The following P2RX3 variants were observed in gnomAD, a reference collection of about 807,000 sequenced individuals.
The protein encoded by P2RX3 is P2X purinoceptor 3.
A neutral mutation model predicts 51.5 loss-of-function variants in P2RX3; 41 were observed. That is an observed-to-expected ratio of 0.80 (90% CI 0.62 to 1.03). P2RX3 has a LOEUF of 1.03. Among genes scored for constraint, P2RX3 ranks in the 50% least tolerant of loss-of-function variants. The pLI is 0.00. For synonymous variants in P2RX3, 185 were observed against 191.6 expected, an observed-to-expected ratio of 0.97 and a Z score of 0.29; for missense variants, 459 against 522.1, an observed-to-expected ratio of 0.88 and a Z score of 1.18.
intron 8 of P2RX3, among the ~76,000 whole-genome samples, chr11:57,351,446 T>G (rs1322339185): frequency 6.6e-6 from 1 of 152,252 alleles, no homozygotes; most frequent in Non-Finnish European, 1.5e-5. Context: ...TCTTTAAATA[T>G]CATCCCAATG....
rs149413487 is a variant in P2RX3 at position 57,353,742 on chromosome 11, G to A, written c.842+2844G>A. Among the ~76,000 whole-genome samples, 140 of 152,116 alleles carry A rather than the reference G, an allele frequency of 9.2e-4. 1 individual carries two copies. The highest frequency in any genetic ancestry group is 3.3e-3 in the African/African-American group (137 of 41,500). ...AATGGAATTATTCAGCCAAGATTCGGCCGTGTTTGAATCTGCTAACTAAGA... is the reference window on the plus strand; with the variant it reads ...AATGGAATTATTCAGCCAAGATTCGACCGTGTTTGAATCTGCTAACTAAGA... On this transcript the variant is annotated intron_variant, in intron 8 of 11. Transcript: ENST00000263314.
At chr11:57,368,266 G>T in intron 9 of P2RX3, 106 bp from the exon 10 acceptor site, 5 of 1,367,008 alleles carry the variant, frequency 3.7e-6, no homozygotes, top group Admixed American at 1.7e-5. Flanking sequence ...TGAAGGGGAG[G>T]GATCTGCTGA....
intron 3 of P2RX3, 88 bp downstream of exon 3, chr11:57,347,275 GGCCCCAAGTCTGACCTT>G (rs1856454748): frequency 6.6e-7 from 1 of 1,511,272 alleles, no homozygotes; most frequent in Non-Finnish European, 9.1e-7. Context: ...TATGAGCAGA[GGCCCCAAGTCTGACCTT>G]GCAACTGGGA....
intron 8 of P2RX3, among the ~76,000 whole-genome samples, chr11:57,357,155 A>T (rs552422779): frequency 1.3e-5 from 2 of 152,136 alleles, no homozygotes; most frequent in South Asian, 2.1e-4. Context: ...TGTCTCTATT[A>T]AAAATTTTTT....
chr11:57,338,896 G>T (rs1856286723), intron 1 of P2RX3, among the ~76,000 whole-genome samples: 1 of 152,268 alleles, frequency 6.6e-6, no homozygotes, highest in South Asian at 2.1e-4. Flanking sequence ...GGTTGAGATT[G>T]GTTTCAAGAC....
At chr11:57,343,338 T>C (rs1856376363) in intron 1 of P2RX3, among the ~76,000 whole-genome samples, 1 of 152,314 alleles carries the variant, frequency 6.6e-6, no homozygotes, top group Non-Finnish European at 1.5e-5. Context: ...AGCCAGGAGA[T>C]GCTTTCACTG....
intron 10 of P2RX3, 124 bp downstream of exon 10, chr11:57,368,561 A>G: frequency 9.5e-7 from 1 of 1,053,206 alleles, no homozygotes; most frequent in Non-Finnish European, 1.4e-6. Flanking sequence ...CCCTACCCCC[A>G]CTTGCTAGGT....
chr11:57,367,364 C>T (rs1173452506), intron 8 of P2RX3, among the ~76,000 whole-genome samples: 1 of 152,196 alleles, frequency 6.6e-6, no homozygotes, highest in African/African-American at 2.4e-5. Flanking sequence ...ACTGAAGAAG[C>T]TTGGAGTCTA....
chr11:57,366,398 ATCATTT>A (rs1234660031), intron 8 of P2RX3, among the ~76,000 whole-genome samples: 6 of 152,282 alleles, frequency 3.9e-5, no homozygotes, highest in East Asian at 3.9e-4. Context: ...ATGAAATGGG[ATCATTT>A]TCCTGAGTCC....
rs553883777 is a variant in P2RX3, at chr11:57,348,079, G to C, written c.392-91G>C. 3.5e-6 allele frequency: 4 copies of C among 1,155,646 alleles called. No homozygotes were observed. In the African/African-American group the frequency reaches 6.3e-5, roughly 18 times the overall value. The allele number at this position is 1,155,646 out of a possible 1,614,324, so 71.6% of individuals were successfully genotyped here. On this transcript the variant is annotated intron_variant, in intron 4 of 11. Coordinates refer to ENST00000263314, the MANE Select transcript of P2RX3 (RefSeq NM_002559.5). ...CCTGCTCTTTTCCCCCACTTGCCAGGGTCCCTGATGGGGGGAAGGGAAGAG... is the reference window on the plus strand; with the variant it reads ...CCTGCTCTTTTCCCCCACTTGCCAGCGTCCCTGATGGGGGGAAGGGAAGAG...
chr11:57,369,783 A>T, intron 11 of P2RX3, 101 bp from the exon 12 acceptor site: 2 of 822,592 alleles, frequency 2.4e-6, no homozygotes, highest in East Asian at 2.7e-5. Flanking sequence ...TCCCCTCATG[A>T]CTAGGTCATG....
chr11:57,350,703 G>A, intron 7 of P2RX3, 59 bp from the exon 8 acceptor site: 1 of 1,592,310 alleles, frequency 6.3e-7, no homozygotes, highest in Non-Finnish European at 8.6e-7. Context: ...CCCCCACCCT[G>A]GCCCAGAGCA....
chr11:57,343,490 G>C (rs932102703), intron 1 of P2RX3, among the ~76,000 whole-genome samples: 3 of 152,204 alleles, frequency 2.0e-5, no homozygotes, highest in Admixed American at 2.0e-4. Flanking sequence ...GGTTAGAGCT[G>C]ACATACCAGC....
At chr11:57,360,641 A>G (rs1278420561) in intron 8 of P2RX3, among the ~76,000 whole-genome samples, 1 of 151,602 alleles carries the variant, frequency 6.6e-6, no homozygotes, top group Non-Finnish European at 1.5e-5. Context: ...AAAAAATACA[A>G]AAAATTAGCT....
chr11:57,347,593 A>C lies in P2RX3; in HGVS notation c.391+115A>C, dbSNP rs1262454571. The C allele has an allele frequency of 9.1e-6, 11 of 1,202,980 alleles. No homozygotes were observed. The East Asian group carries it at 2.8e-4, about 31-fold the overall frequency. 74.5% of individuals were successfully genotyped at this position (1,202,980 alleles called of 1,614,324 possible). A position where few individuals can be genotyped will look rare whatever the true frequency, so the allele number is the denominator to read the frequency against. Reference sequence around the variant, plus strand: ...GCCTGTTCCATGTCATTCTGCTGGCATTTACAGTTGCTCCCTGGGTGCCAC... The same window carrying C: ...GCCTGTTCCATGTCATTCTGCTGGCCTTTACAGTTGCTCCCTGGGTGCCAC... On this transcript the variant is annotated intron_variant, in intron 4 of 11. Coordinates refer to ENST00000263314, the MANE Select transcript of P2RX3 (RefSeq NM_002559.5).
chr11:57,369,861 A>C (rs1856854771), intron 11 of P2RX3, 23 bp from the exon 12 acceptor site: 1 of 1,540,624 alleles, frequency 6.5e-7, no homozygotes, highest in Non-Finnish European at 9.0e-7. Context: ...AGAACTTGAC[A>C]ACACCAGCTC....
At chr11:57,366,020 A>G (rs1308298949) in intron 8 of P2RX3, among the ~76,000 whole-genome samples, 2 of 152,180 alleles carry the variant, frequency 1.3e-5, no homozygotes, top group Non-Finnish European at 2.9e-5. Context: ...GGAGACACTG[A>G]GAGGGAACAA....
At chr11:57,366,602 A>G (rs1293782142) in intron 8 of P2RX3, among the ~76,000 whole-genome samples, 1 of 152,182 alleles carries the variant, frequency 6.6e-6, no homozygotes, top group East Asian at 1.9e-4. Context: ...ATGCCTATCT[A>G]TAATTGTCCG....
At position 57,369,908 on chromosome 11, in the gene P2RX3, G is replaced by A. The variant is rs201360035; in HGVS notation, c.1105G>A (p.Ala369Thr). The A allele has an allele frequency of 1.5e-4, 235 of 1,613,818 alleles. 4 individuals carry two copies. The highest frequency in any genetic ancestry group is 1.1e-3 in the South Asian group (101 of 91,068). ...EEVNETTLKI[A>T]ALTNPVYPSD... Reference sequence around the variant, plus strand: ...GGTGAATGAGACTACGCTGAAAATCGCGGCTTTGACCAACCCAGTGTACCC... The same window carrying A: ...GGTGAATGAGACTACGCTGAAAATCACGGCTTTGACCAACCCAGTGTACCC... Residue 369 changes from alanine to threonine, a missense_variant, in exon 12 of 12, where the codon GCG becomes ACG. Physicochemically the swap from Ala to Thr is moderately conservative, Grantham distance 58. Transcript: ENST00000263314.
Sources: allele counts gnomAD v4.1 joint callset (sites outside exome capture counted in the v4.1 genomes callset), GRCh38; gene constraint gnomAD v4.1.1; transcripts MANE v1.5; gene names NCBI Gene and HGNC (gene_info 2026-07-23, HGNC 2026-07-21).